Variants in SIDT1 observed in about 807,000 individuals in gnomAD.
The protein encoded by SIDT1 is SID1 transmembrane family, member 1.
In SIDT1, 101 loss-of-function variants were observed where a neutral mutation model predicts 107.5. That is an observed-to-expected ratio of 0.94 (90% CI 0.80 to 1.11). The LOEUF is 1.11. Ranked by LOEUF, SIDT1 falls within the 50% of genes least tolerant of loss-of-function variation. SIDT1 has a pLI of 0.00. For missense variants in SIDT1, 1,076 were observed against 1,058.2 expected, an observed-to-expected ratio of 1.02 and a Z score of -0.23; for synonymous variants, 395 against 398.2, an observed-to-expected ratio of 0.99 and a Z score of 0.10.
At chr3:113,593,995 G>T (rs539910605) in intron 10 of SIDT1, among the ~76,000 whole-genome samples, 1 of 152,160 alleles carries the variant, frequency 6.6e-6, no homozygotes, top group South Asian at 2.1e-4. Flanking sequence ...GTGCTCATAG[G>T]TTATTTGGCA....
chr3:113,623,872 G>T (rs968926990), intron 23 of SIDT1, 139 bp downstream of exon 23: 3 of 628,386 alleles, frequency 4.8e-6, no homozygotes, highest in African/African-American at 3.7e-5. Flanking sequence ...TTTAATAGCC[G>T]CACACAAATG....
At chr3:113,534,131 C>A (rs926909261) in intron 1 of SIDT1, among the ~76,000 whole-genome samples, 3 of 152,130 alleles carry the variant, frequency 2.0e-5, no homozygotes, top group Non-Finnish European at 4.4e-5. Context: ...CCCCAGTGTA[C>A]CAACCTCTGG....
chr3:113,618,669 A>C (rs78125486), intron 20 of SIDT1, among the ~76,000 whole-genome samples: 46 of 152,316 alleles, frequency 3.0e-4, no homozygotes, highest in Non-Finnish European at 5.0e-4. Flanking sequence ...TGGATGGATC[A>C]CCTAAAAGAC....
intron 18 of SIDT1, among the ~76,000 whole-genome samples, chr3:113,611,515 G>T (rs1945740596): frequency 6.6e-6 from 1 of 152,162 alleles, no homozygotes; most frequent in African/African-American, 2.4e-5. Context: ...TAGAGACAGA[G>T]TTTCACCATG....
intron 1 of SIDT1, among the ~76,000 whole-genome samples, chr3:113,557,316 T>C (rs567048292): frequency 3.2e-4 from 49 of 152,284 alleles, no homozygotes; most frequent in Middle Eastern, 3.4e-3. Context: ...CCTAATATTA[T>C]GGGTTGATTT....
rs1945083617 is a variant in SIDT1, at chr3:113,603,164, C to G, written c.1263+14C>G. The stretch of plus-strand genomic sequence containing the variant: ...ATCCGGACCAAGGTACCCACTCTGC[C>G]TCGCCGTACTCTTTGAGAGGGCAGA... On this transcript the variant is annotated intron_variant, in intron 12 of 24. Transcript: ENST00000264852. 4.4e-6 allele frequency: 7 copies of G among 1,606,786 alleles called. No individual in the cohort carries two copies. The highest frequency in any genetic ancestry group is 1.7e-4 in the Middle Eastern group (1 of 6,046).
At chr3:113,553,390 C>A (rs918456535) in intron 1 of SIDT1, among the ~76,000 whole-genome samples, 5 of 152,116 alleles carry the variant, frequency 3.3e-5, no homozygotes, top group Admixed American at 2.0e-4. Context: ...ACAACACTTA[C>A]AATCATAACA....
rs527801900 is a variant in SIDT1 at position 113,627,723 on chromosome 3, G to A, written c.*15G>A. On this transcript the variant is annotated 3_prime_UTR_variant, in exon 25 of 25. Coordinates refer to ENST00000264852, the MANE Select transcript of SIDT1 (RefSeq NM_017699.3). ...CTGTCTTCTGAACCTCCAACATTAAGAGAGGGGAGGGAGCGATCAATCTTG... is the reference window on the plus strand; with the variant it reads ...CTGTCTTCTGAACCTCCAACATTAAAAGAGGGGAGGGAGCGATCAATCTTG... The A allele has an allele frequency of 6.2e-7, 1 of 1,612,308 alleles. No homozygotes were observed. The highest frequency in any genetic ancestry group is 8.5e-7 in the Non-Finnish European group (1 of 1,179,314).
intron 10 of SIDT1, among the ~76,000 whole-genome samples, chr3:113,600,635 C>T (rs1944893212): frequency 1.3e-5 from 2 of 152,168 alleles, no homozygotes; most frequent in African/African-American, 4.8e-5. Context: ...GTAACTATGG[C>T]CAATTCTGTT....
chr3:113,606,315 G>A (rs1246774784), intron 14 of SIDT1: 1 of 152,196 alleles, frequency 6.6e-6, no homozygotes, highest in Non-Finnish European at 1.5e-5. Flanking sequence ...CCAGTGTCCA[G>A]GCTGTACCCC....
chr3:113,548,134 C>G (rs1281863773), intron 1 of SIDT1, among the ~76,000 whole-genome samples: 1 of 152,082 alleles, frequency 6.6e-6, no homozygotes, highest in African/African-American at 2.4e-5. Flanking sequence ...TTTGCTTCCT[C>G]ATTGATACCT....
chr3:113,539,050 G>A (rs548109076), intron 1 of SIDT1, among the ~76,000 whole-genome samples: 9 of 151,970 alleles, frequency 5.9e-5, no homozygotes, highest in African/African-American at 1.9e-4. Context: ...CTTCTATAAC[G>A]GGAAACTTCA....
intron 11 of SIDT1, 32 bp from the exon 12 acceptor site, chr3:113,602,972 CT>C: frequency 6.2e-7 from 1 of 1,609,546 alleles, no homozygotes. Flanking sequence ...CTCTCCACGG[CT>C]TTTGATGGCA....
At chr3:113,636,391 A>T in the SIDT1 span, among the ~76,000 whole-genome samples, 1 of 152,208 alleles carries the variant, frequency 6.6e-6, no homozygotes, top group Non-Finnish European at 1.5e-5. Context: ...CAATAGAGCG[A>T]GACTCTGTCC....
the SIDT1 span, among the ~76,000 whole-genome samples, chr3:113,635,171 C>G: frequency 6.6e-5 from 10 of 152,188 alleles, no homozygotes; most frequent in African/African-American, 2.4e-4. Flanking sequence ...AGAGAAAGCA[C>G]AGGAATGTAG....
At chr3:113,593,139 A>G in intron 10 of SIDT1, 91 bp downstream of exon 10, 1 of 1,095,346 alleles carries the variant, frequency 9.1e-7, no homozygotes, top group South Asian at 1.2e-5. Flanking sequence ...TGCCTTTTGC[A>G]ATTTACAAAC....
In SIDT1 at chr3:113,626,123, G is replaced by C; in HGVS notation, c.2329G>C (p.Glu777Gln). The change falls in exon 24 of 25, where the codon GAG becomes CAG. Residue 777 changes from glutamate to glutamine, a missense_variant. Physicochemically the swap from Glu to Gln is conservative, Grantham distance 29. Coordinates refer to ENST00000264852, the MANE Select transcript of SIDT1 (RefSeq NM_017699.3). ...CCAGGGAACTCCGGCCGAATCCCGG[G>C]AGAAGAACCGCGAGTGCATTCTGCT... ...SWEGTPAESR[E>Q]KNRECILLDF... 1 of 1,614,064 alleles carries C rather than the reference G, an allele frequency of 6.2e-7. No homozygotes were observed. The highest frequency in any genetic ancestry group is 8.5e-7 in the Non-Finnish European group (1 of 1,179,962).
intron 2 of SIDT1, among the ~76,000 whole-genome samples, chr3:113,567,253 T>C (rs1444014462): frequency 1.3e-5 from 2 of 152,206 alleles, no homozygotes; most frequent in African/African-American, 2.4e-5. Context: ...AATTGGATAT[T>C]TATTCCTCAT....
chr3:113,594,629 C>T (rs927510928), intron 10 of SIDT1, among the ~76,000 whole-genome samples: 2 of 152,088 alleles, frequency 1.3e-5, no homozygotes, highest in Admixed American at 6.5e-5. Flanking sequence ...GGGACTTGAG[C>T]CAGATCATTG....
Sources: allele counts gnomAD v4.1 joint callset (sites outside exome capture counted in the v4.1 genomes callset), GRCh38; gene constraint gnomAD v4.1.1; transcripts MANE v1.5; gene names NCBI Gene and HGNC (gene_info 2026-07-23, HGNC 2026-07-21).